The following LINGO2 variants were observed in gnomAD, a reference collection of about 807,000 sequenced individuals.
LINGO2 encodes the protein leucine-rich repeat and immunoglobulin-like domain-containing nogo receptor-interacting protein 2.
Under a neutral mutation model 30.6 loss-of-function variants are expected in LINGO2, and 14 were observed. That is an observed-to-expected ratio of 0.46 (90% confidence interval 0.30 to 0.72). LINGO2 has a LOEUF of 0.72. Among genes scored for constraint, LINGO2 ranks in the 30% least tolerant of loss-of-function variants. The probability of loss-of-function intolerance (pLI) is 0.07; values close to 1 mark genes in which losing one functional copy is unlikely to be tolerated. For synonymous variants in LINGO2, 317 were observed against 288.5 expected, an observed-to-expected ratio of 1.10 and a Z score of -1.00; for missense variants, 729 against 751.7, an observed-to-expected ratio of 0.97 and a Z score of 0.35.
the LINGO2 span, among the ~76,000 whole-genome samples, chr9:28,846,610 A>G: frequency 2.7e-5 from 4 of 147,766 alleles, 1 homozygote; most frequent in Non-Finnish European, 6.0e-5. Context: ...AGTAACTATC[A>G]AGAATGTCAC....
intron 1 of LINGO2, among the ~76,000 whole-genome samples, chr9:28,552,724 T>C (rs559694428): frequency 1.3e-5 from 2 of 151,876 alleles, no homozygotes; most frequent in East Asian, 3.9e-4. Context: ...CGTTGGATTT[T>C]CTCTGTGGGT....
At chr9:28,961,499 G>A in the LINGO2 span, among the ~76,000 whole-genome samples, 1 of 152,094 alleles carries the variant, frequency 6.6e-6, no homozygotes, top group African/African-American at 2.4e-5. Context: ...TTGGGCTCAG[G>A]AGAAGATAGG....
chr9:28,728,360 G>A, the LINGO2 span, among the ~76,000 whole-genome samples: 1 of 151,140 alleles, frequency 6.6e-6, no homozygotes, highest in South Asian at 2.1e-4. Context: ...GCAATCAAAA[G>A]TTAAATTATT....
chr9:28,580,113 G>T lies in LINGO2; in HGVS notation c.-365+90087C>A, dbSNP rs117247270. 3.1e-3 allele frequency among the ~76,000 whole-genome samples: 479 copies of T among 152,180 alleles called. 1 individual carries two copies. Among genetic ancestry groups the T allele is most frequent in the Non-Finnish European group, 5.1e-3 (350 of 67,982 alleles). On this transcript the variant is annotated intron_variant, in intron 1 of 5. Coordinates refer to ENST00000379992, the Ensembl canonical transcript of LINGO2. ...TGTATGTCTTTGAGCCACAGGAATA[G>T]AATCCTCTTCAAACCTTGTTTCTTC...
chr9:27,959,563 G>T (rs1744419056), intron 5 of LINGO2, among the ~76,000 whole-genome samples: 1 of 151,972 alleles, frequency 6.6e-6, no homozygotes, highest in African/African-American at 2.4e-5. Flanking sequence ...GATTTAGTTG[G>T]TTTATTCTTA....
At chr9:27,955,417 A>G (rs895098212) in intron 5 of LINGO2, among the ~76,000 whole-genome samples, 3 of 152,146 alleles carry the variant, frequency 2.0e-5, no homozygotes, top group Admixed American at 6.5e-5. Flanking sequence ...CACCATCACA[A>G]TCTGATACAG....
intron 1 of LINGO2, among the ~76,000 whole-genome samples, chr9:28,556,031 C>T (rs1006252555): frequency 1.6e-4 from 25 of 152,052 alleles, no homozygotes; most frequent in African/African-American, 5.3e-4. Flanking sequence ...AAACCGACAG[C>T]CAATATCATA....
At chr9:28,059,292 A>G (rs774933839) in intron 4 of LINGO2, among the ~76,000 whole-genome samples, 4 of 152,120 alleles carry the variant, frequency 2.6e-5, no homozygotes, top group Non-Finnish European at 5.9e-5. Context: ...TTGTTGGATT[A>G]CCAATAAATA....
At chr9:28,457,864 C>T (rs1824915732) in intron 2 of LINGO2, among the ~76,000 whole-genome samples, 1 of 152,092 alleles carries the variant, frequency 6.6e-6, no homozygotes, top group Non-Finnish European at 1.5e-5. Flanking sequence ...CTTTTCCCCT[C>T]ATATAAAAAG....
chr9:28,854,704 A>C, the LINGO2 span, among the ~76,000 whole-genome samples: 1,391 of 152,048 alleles, frequency 9.1e-3, 20 homozygotes, highest in Non-Finnish European at 0.011. Context: ...TTGGGCAGTC[A>C]AAATTCAGGT....
At chr9:28,857,316 C>G in the LINGO2 span, among the ~76,000 whole-genome samples, 6 of 152,198 alleles carry the variant, frequency 3.9e-5, no homozygotes, top group South Asian at 2.1e-4. Flanking sequence ...AAAGCAATTA[C>G]TAGCTGTGTG....
the LINGO2 span, among the ~76,000 whole-genome samples, chr9:29,009,692 T>C: frequency 6.6e-6 from 1 of 152,100 alleles, no homozygotes; most frequent in Non-Finnish European, 1.5e-5. Flanking sequence ...TTAAAGTTCA[T>C]ATGGAACCAA....
At chr9:27,989,608 CCATA>C in intron 5 of LINGO2, among the ~76,000 whole-genome samples, 1 of 151,900 alleles carries the variant, frequency 6.6e-6, no homozygotes, top group Non-Finnish European at 1.5e-5. Context: ...AGCATCATCA[CCATA>C]TATATAGAAA....
At position 28,670,177 on chromosome 9, in the gene LINGO2, A is replaced by G. The variant is rs548439393; in HGVS notation, c.-365+23T>C. On this transcript the variant is annotated intron_variant, in intron 1 of 5. Transcript: ENST00000379992. ...TATTTCATTTCATCCTGAAAATACA[A>G]TTGAAATAAATTTGGCATTTACCTC... The G allele has an allele frequency of 2.0e-5, 3 of 152,266 alleles. No individual in the cohort carries two copies. In the South Asian group the frequency reaches 6.2e-4, roughly 32 times the overall value. The allele number at this position is 152,266 out of a possible 1,614,324, so 9.4% of individuals were successfully genotyped here.
chr9:28,129,716 A>G lies in LINGO2; in HGVS notation c.-86-117311T>C, dbSNP rs554972454. 3 of 152,346 alleles carry G rather than the reference A, an allele frequency of 2.0e-5. No individual in the cohort carries two copies. The highest frequency in any genetic ancestry group is 1.3e-4 in the Admixed American group (2 of 15,296). The allele number at this position is 152,346 out of a possible 1,614,324, so 9.4% of individuals were successfully genotyped here. On this transcript the variant is annotated intron_variant, in intron 4 of 5. Coordinates refer to ENST00000379992, the Ensembl canonical transcript of LINGO2. The surrounding 1 kb of genome is among the most constrained non-coding windows in gnomAD (Gnocchi z 4.0). The stretch of plus-strand genomic sequence containing the variant: ...GTCCCATTGTAAATTTGAAAATTTC[A>G]TTGCTCAAATGTACAGAAATTTGGT...
At chr9:29,091,456 T>C in the LINGO2 span, among the ~76,000 whole-genome samples, 1 of 152,006 alleles carries the variant, frequency 6.6e-6, no homozygotes, top group Non-Finnish European at 1.5e-5. Flanking sequence ...AAAAACAGAA[T>C]CTATTTTATT....
chr9:28,464,516 A>G (rs1002588036), intron 2 of LINGO2, among the ~76,000 whole-genome samples: 1 of 152,188 alleles, frequency 6.6e-6, no homozygotes, highest in Non-Finnish European at 1.5e-5. Context: ...CCTTATATGC[A>G]AAACTAAAAA....
intron 4 of LINGO2, among the ~76,000 whole-genome samples, chr9:28,168,426 G>T (rs1017285142): frequency 5.3e-5 from 8 of 152,102 alleles, no homozygotes; most frequent in Non-Finnish European, 1.0e-4. Context: ...AGAAAAAATT[G>T]TTTCCTTTGC....
At chr9:28,501,213 G>T (rs1457076316) in intron 1 of LINGO2, among the ~76,000 whole-genome samples, 1 of 152,096 alleles carries the variant, frequency 6.6e-6, no homozygotes, top group Non-Finnish European at 1.5e-5. Flanking sequence ...CAAATTGTTG[G>T]TAATTAGGAA....
Sources: gnomAD v4.1 joint callset for allele counts (sites outside exome capture counted in the v4.1 genomes callset) on GRCh38, gnomAD v4.1.1 for gene constraint, Gnocchi (gnomAD v3.1) non-coding constraint, MANE v1.5 for transcripts, NCBI Gene and HGNC (gene_info 2026-07-23, HGNC 2026-07-21) for gene names.